TNRC6C: variants seen among roughly 807,000 people sequenced by gnomAD.
The protein encoded by TNRC6C is trinucleotide repeat-containing gene 6C protein.
Under a neutral mutation model 153.7 loss-of-function variants are expected in TNRC6C, and 20 were observed. That is an observed-to-expected ratio of 0.13 (90% CI 0.09 to 0.19). The LOEUF (loss-of-function observed/expected upper bound fraction) is 0.19, where lower values mean the gene tolerates loss of function less well. Among genes scored for constraint, TNRC6C ranks in the 10% least tolerant of loss-of-function variants. The probability of loss-of-function intolerance (pLI) is 1.00; values close to 1 mark genes in which losing one functional copy is unlikely to be tolerated. For synonymous variants in TNRC6C, 811 were observed against 841.4 expected (o/e 0.96, Z 0.63); for missense variants, 1,987 against 2,172.0 (o/e 0.91, Z 1.69).
intron 1 of TNRC6C, among the ~76,000 whole-genome samples, chr17:77,970,683 T>G (rs1286708257): frequency 6.6e-6 from 1 of 152,038 alleles, no homozygotes; most frequent in African/African-American, 2.4e-5. Context: ...ATGTGTGTGT[T>G]TAAGCTCATC....
rs1479248578 is a variant in TNRC6C at position 78,075,603 on chromosome 17, G to C, written c.3060+325G>C. ...TTTACTATCTCATTTTAAAAACACAGATCTTCCCTTTGGAAATTACGTGTT... is the reference window on the plus strand; with the variant it reads ...TTTACTATCTCATTTTAAAAACACACATCTTCCCTTTGGAAATTACGTGTT... On this transcript the variant is annotated intron_variant, in intron 8 of 19. Transcript: ENST00000301624. This position sits in a 1 kb window ranked among gnomAD's most constrained non-coding sequence, Gnocchi z 4.2. Among the ~76,000 whole-genome samples, 1 of 152,172 alleles carries C rather than the reference G, an allele frequency of 6.6e-6. No individual in the cohort carries two copies. Among genetic ancestry groups the C allele is most frequent in the Non-Finnish European group, 1.5e-5 (1 of 68,020 alleles).
chr17:78,029,855 G>A (rs753296634), intron 1 of TNRC6C, among the ~76,000 whole-genome samples: 27 of 151,050 alleles, frequency 1.8e-4, no homozygotes, highest in Non-Finnish European at 2.8e-4. Flanking sequence ...AGGCCTACAC[G>A]AGGTCAGGAT....
exon 3 of TNRC6C, chr17:78,050,734 T>G (rs771766129): frequency 6.3e-7 from 1 of 1,588,814 alleles, no homozygotes; most frequent in East Asian, 2.2e-5. Flanking sequence ...TGGCCATGCT[T>G]GGAGTGGGGC....
chr17:77,999,697 C>T (rs1345948183), upstream of TNRC6C, among the ~76,000 whole-genome samples: 1 of 152,214 alleles, frequency 6.6e-6, no homozygotes, highest in Non-Finnish European at 1.5e-5. Context: ...CTCTGCAAAG[C>T]TGTGCAGTCA....
intron 10 of TNRC6C, among the ~76,000 whole-genome samples, chr17:78,080,231 G>A (rs1034636826): frequency 3.3e-5 from 5 of 152,186 alleles, no homozygotes; most frequent in Admixed American, 1.3e-4. Flanking sequence ...TGGATCACCT[G>A]AGGTCAGGAG....
At chr17:78,025,325 T>C (rs1431290037) in intron 1 of TNRC6C, among the ~76,000 whole-genome samples, 2 of 152,238 alleles carry the variant, frequency 1.3e-5, no homozygotes, top group Non-Finnish European at 2.9e-5. Context: ...TCAGACAGTA[T>C]CTACATACTG....
chr17:78,098,585 G>A, intron 17 of TNRC6C, 48 bp downstream of exon 20: 1 of 1,565,912 alleles, frequency 6.4e-7, no homozygotes, highest in East Asian at 2.2e-5. Context: ...ACCCTTTAGG[G>A]GATGTGCTTA....
chr17:77,975,091 ATTTC>A (rs1251748066), intron 1 of TNRC6C, among the ~76,000 whole-genome samples: 1 of 152,144 alleles, frequency 6.6e-6, no homozygotes, highest in Middle Eastern at 3.2e-3. Flanking sequence ...GAGAAAAGAA[ATTTC>A]TTTAAGTCTC....
chr17:77,982,508 A>C (rs2071093838), intron 1 of TNRC6C, among the ~76,000 whole-genome samples: 1 of 152,214 alleles, frequency 6.6e-6, no homozygotes. Flanking sequence ...CTGTCCAAAA[A>C]AAGACAAAAA....
intron 2 of TNRC6C, among the ~76,000 whole-genome samples, chr17:78,036,069 C>T (rs989005430): frequency 1.3e-5 from 2 of 152,130 alleles, no homozygotes; most frequent in East Asian, 1.9e-4. Context: ...AGAACTAAGA[C>T]TGAATTAACC....
chr17:78,061,971 TAAAC>T (rs1428906250), intron 3 of TNRC6C, among the ~76,000 whole-genome samples: 5 of 152,228 alleles, frequency 3.3e-5, no homozygotes, highest in South Asian at 2.1e-4. Context: ...CTAGAGATGA[TAAAC>T]AAATTCTAGG....
At chr17:77,958,772 G>T (rs2070834030), upstream of TNRC6C, among the ~76,000 whole-genome samples, 1 of 149,908 alleles carries the variant, frequency 6.7e-6, no homozygotes, top group East Asian at 1.9e-4. Context: ...AGCCGTAGCC[G>T]CCGCCGCCGG....
At chr17:78,035,023 G>C (rs568602043) in intron 2 of TNRC6C, among the ~76,000 whole-genome samples, 14 of 152,224 alleles carry the variant, frequency 9.2e-5, no homozygotes, top group African/African-American at 2.4e-4. Context: ...CCATAGGTGA[G>C]GACTTGGAAA....
intron 1 of TNRC6C, among the ~76,000 whole-genome samples, chr17:78,019,927 A>T (rs1436072333): frequency 1.3e-5 from 2 of 151,830 alleles, no homozygotes; most frequent in Non-Finnish European, 1.5e-5. Context: ...TGAGGATCTG[A>T]AAAGAGTTTA....
intron 2 of TNRC6C, among the ~76,000 whole-genome samples, chr17:78,046,389 G>C (rs184341019): frequency 2.0e-5 from 3 of 152,016 alleles, no homozygotes; most frequent in Non-Finnish European, 2.9e-5. Context: ...TGTTGGCCAG[G>C]CTGGTCTCGA....
intron 1 of TNRC6C, among the ~76,000 whole-genome samples, chr17:77,983,777 T>G (rs1223982068): frequency 2.6e-5 from 4 of 152,220 alleles, no homozygotes; most frequent in Non-Finnish European, 5.9e-5. Flanking sequence ...TTTCCCCCCT[T>G]ATTTTATATA....
At chr17:78,043,738 ACTACCCTTCCTAGC>A (rs1420732211) in intron 2 of TNRC6C, among the ~76,000 whole-genome samples, 1 of 151,414 alleles carries the variant, frequency 6.6e-6, no homozygotes, top group Non-Finnish European at 1.5e-5. Flanking sequence ...TCACTCTCGC[ACTACCCTTCCTAGC>A]CTCTATCTTC....
chr17:78,059,635 C>T (rs1337605723), intron 3 of TNRC6C, among the ~76,000 whole-genome samples: 1 of 152,016 alleles, frequency 6.6e-6, no homozygotes, highest in Non-Finnish European at 1.5e-5. Flanking sequence ...GTTGCTTGAA[C>T]CCTGGAGTTT....
In TNRC6C at chr17:78,075,257, C is replaced by A; in HGVS notation, c.3039C>A (p.Asp1013Glu). Residue 1013 changes from aspartate to glutamate, a missense_variant, in exon 8 of 20, where the codon GAC becomes GAA. Asp to Glu is a conservative substitution (Grantham distance 45, BLOSUM62 2). This residue lies in a region of TNRC6C where 765 missense variants were observed against 908.6 expected (regional missense o/e 0.84). Coordinates refer to ENST00000301624, the Ensembl canonical transcript of TNRC6C. The surrounding 1 kb of genome is among the most constrained non-coding windows in gnomAD (Gnocchi z 4.2). ...CAATCTCCAAAGAGTCTTCCGTGGA[C>A]CGCCCCACCTTTCTTGACAAGGTAT... 1 of 1,598,264 alleles carries A rather than the reference C, an allele frequency of 6.3e-7. No individual in the cohort carries two copies. Among genetic ancestry groups the A allele is most frequent in the Non-Finnish European group, 8.5e-7 (1 of 1,172,152 alleles).
Sources: gnomAD v4.1 joint callset for allele counts (sites outside exome capture counted in the v4.1 genomes callset) on GRCh38, gnomAD v4.1.1 for gene constraint, gnomAD v4.1.1 regional missense constraint, Gnocchi (gnomAD v3.1) non-coding constraint, MANE v1.5 for transcripts, NCBI Gene and HGNC (gene_info 2026-07-23, HGNC 2026-07-21) for gene names.